The following MAML3 variants were observed in gnomAD, a reference collection of about 807,000 sequenced individuals.
The protein encoded by MAML3 is mastermind-like protein 3.
In MAML3, 27 loss-of-function variants were observed where a neutral mutation model predicts 101.9. The observed-to-expected ratio is 0.27, with a 90% CI of 0.20 to 0.37. MAML3 has a LOEUF of 0.37. Among genes scored for constraint, MAML3 ranks in the 10% least tolerant of loss-of-function variants. The pLI is 1.00. For missense variants in MAML3, 1,316 were observed against 1,444.9 expected, an observed-to-expected ratio of 0.91 and a Z score of 1.45; for synonymous variants, 501 against 555.9, an observed-to-expected ratio of 0.90 and a Z score of 1.39.
chr4:139,911,604 G>A (rs947108431), intron 1 of MAML3, among the ~76,000 whole-genome samples: 6 of 152,154 alleles, frequency 3.9e-5, no homozygotes, highest in Admixed American at 2.0e-4. Flanking sequence ...TTCACATGTT[G>A]AAATCCTAAC....
At chr4:139,975,429 A>G (rs1734312210) in intron 1 of MAML3, among the ~76,000 whole-genome samples, 2 of 152,152 alleles carry the variant, frequency 1.3e-5, no homozygotes, top group Non-Finnish European at 2.9e-5. Flanking sequence ...AGGCTCACAC[A>G]TGAACACGCG....
chr4:139,918,342 A>G (rs529276263), intron 1 of MAML3, among the ~76,000 whole-genome samples: 10 of 150,708 alleles, frequency 6.6e-5, no homozygotes, highest in African/African-American at 2.4e-4. Flanking sequence ...TCACCACCAC[A>G]CTCCAGGTGG....
intron 1 of MAML3, among the ~76,000 whole-genome samples, chr4:139,928,077 G>C (rs1280599315): frequency 6.6e-6 from 1 of 152,174 alleles, no homozygotes; most frequent in African/African-American, 2.4e-5. Context: ...GTGTCTGTGT[G>C]TGTGTATATA....
chr4:139,790,216 CATATATATAT>C (rs367675413), intron 2 of MAML3, among the ~76,000 whole-genome samples: 4 of 110,260 alleles, frequency 3.6e-5, no homozygotes, highest in Admixed American at 2.0e-4. Flanking sequence ...ACCCTAGTGA[CATATATATAT>C]ATATATATAT....
chr4:140,152,002 T>C (rs1005526592), intron 1 of MAML3, among the ~76,000 whole-genome samples: 1 of 152,048 alleles, frequency 6.6e-6, no homozygotes, highest in African/African-American at 2.4e-5. Flanking sequence ...TGCACGCAAG[T>C]TTAAAAGGAA....
At chr4:139,939,856 C>G (rs1733567777) in intron 1 of MAML3, among the ~76,000 whole-genome samples, 1 of 151,670 alleles carries the variant, frequency 6.6e-6, no homozygotes, top group Non-Finnish European at 1.5e-5. Context: ...CCTCCGCCTC[C>G]TCGATTCAAG....
rs555784458 is a variant in MAML3, at chr4:139,971,250, A to G, written c.469-80283T>C. On this transcript the variant is annotated intron_variant, in intron 1 of 4. Coordinates refer to ENST00000509479, the MANE Select transcript of MAML3 (RefSeq NM_018717.5). ...CTAAACTGCACTGCAACTACAACTC[A>G]TCACGAGCCTCCCAGGCCCCTCTCA... is the stretch of plus-strand genomic sequence containing the variant. Among the ~76,000 whole-genome samples, 5 of 152,312 alleles carry G rather than the reference A, an allele frequency of 3.3e-5. No homozygotes were observed. In the East Asian group the frequency reaches 5.8e-4, roughly 18 times the overall value.
chr4:139,791,939 G>A (rs1169395359), intron 2 of MAML3, among the ~76,000 whole-genome samples: 2 of 152,282 alleles, frequency 1.3e-5, no homozygotes, highest in East Asian at 1.9e-4. Flanking sequence ...TGGTAATTAC[G>A]GAGGCTCCAT....
rs1239864206 is a variant in MAML3, at chr4:139,988,009, A to AAAC, written c.469-97045_469-97043dup. ...TGCACTCCAGCCTGGCAACACAGCA[A>AAAC]AACTCCGTCTCAAAAAAAAAAAAAA... On this transcript the variant is annotated intron_variant, in intron 1 of 4. Transcript: ENST00000509479. Among the ~76,000 whole-genome samples, 8 of 126,486 alleles carry AAAC rather than the reference A, an allele frequency of 6.3e-5. No homozygotes were observed. In the East Asian group the frequency reaches 9.7e-4, roughly 15 times the overall value. 83.0% of individuals were successfully genotyped at this position (126,486 alleles called of 152,430 possible). A position where few individuals can be genotyped will look rare whatever the true frequency, so the allele number is the denominator to read the frequency against.
intron 2 of MAML3, among the ~76,000 whole-genome samples, chr4:139,866,866 A>G (rs1011477392): frequency 2.6e-5 from 4 of 152,226 alleles, no homozygotes; most frequent in African/African-American, 9.6e-5. Flanking sequence ...TGATTATATC[A>G]GCATATAGCG....
intron 2 of MAML3, among the ~76,000 whole-genome samples, chr4:139,832,405 C>A (rs1186663210): frequency 6.6e-6 from 1 of 152,012 alleles, no homozygotes; most frequent in East Asian, 1.9e-4. Context: ...AGCCACCGCA[C>A]CTGGCCCCTC....
At chr4:140,133,046 A>T (rs1728822389) in intron 1 of MAML3, 1 of 423,948 alleles carries the variant, frequency 2.4e-6, no homozygotes, top group African/African-American at 2.1e-5. Flanking sequence ...TATTTATTTT[A>T]AAAGGAGGGG....
At chr4:139,855,532 T>A (rs529836563) in intron 2 of MAML3, among the ~76,000 whole-genome samples, 1 of 152,346 alleles carries the variant, frequency 6.6e-6, no homozygotes, top group South Asian at 2.1e-4. Context: ...GTTCTTTGCT[T>A]CATATTTCCA....
At chr4:140,038,643 T>C (rs1041040911) in intron 1 of MAML3, among the ~76,000 whole-genome samples, 1 of 152,228 alleles carries the variant, frequency 6.6e-6, no homozygotes, top group Non-Finnish European at 1.5e-5. Context: ...GAATGCCCTG[T>C]ACCTCAGCTT....
intron 2 of MAML3, among the ~76,000 whole-genome samples, chr4:139,810,185 ATT>A (rs757041549): frequency 0.02 from 2,288 of 114,494 alleles, 73 homozygotes; most frequent in African/African-American, 0.071. Context: ...ACCAAAATTG[ATT>A]TTTTTTTTTT....
chr4:139,927,824 T>C (rs925999255), intron 1 of MAML3, among the ~76,000 whole-genome samples: 12 of 152,230 alleles, frequency 7.9e-5, no homozygotes, highest in Admixed American at 5.9e-4. Flanking sequence ...ATTGGCACTT[T>C]AAGATGTTTC....
At chr4:139,848,489 A>G (rs1731489123) in intron 2 of MAML3, among the ~76,000 whole-genome samples, 1 of 152,192 alleles carries the variant, frequency 6.6e-6, no homozygotes, top group Non-Finnish European at 1.5e-5. Context: ...AAAAAACAAC[A>G]TTGAACACAC....
At chr4:139,775,633 G>A (rs1261704513) in intron 2 of MAML3, among the ~76,000 whole-genome samples, 4 of 152,112 alleles carry the variant, frequency 2.6e-5, no homozygotes, top group African/African-American at 9.7e-5. Context: ...CAGCAGAGAG[G>A]AGTGGTTCGG....
chr4:139,780,009 G>C (rs540176195), intron 2 of MAML3, among the ~76,000 whole-genome samples: 1 of 152,374 alleles, frequency 6.6e-6, no homozygotes, highest in East Asian at 1.9e-4. Context: ...TAGGCCAGCA[G>C]ATGCGCTGCC....
Sources: allele counts gnomAD v4.1 joint callset (sites outside exome capture counted in the v4.1 genomes callset), GRCh38; gene constraint gnomAD v4.1.1; transcripts MANE v1.5; gene names NCBI Gene and HGNC (gene_info 2026-07-23, HGNC 2026-07-21).